GFOD1: variants seen among roughly 807,000 people sequenced by gnomAD.
The protein encoded by GFOD1 is glucose-fructose oxidoreductase domain-containing protein 1.
A neutral mutation model predicts 25.4 loss-of-function variants in GFOD1; 9 were observed. That is an observed-to-expected ratio of 0.35 (90% confidence interval 0.21 to 0.62). The LOEUF (loss-of-function observed/expected upper bound fraction) is 0.62. Ranked by LOEUF, GFOD1 falls within the 20% of genes least tolerant of loss-of-function variation. The probability of loss-of-function intolerance (pLI) is 0.72; values close to 1 mark genes in which losing one functional copy is unlikely to be tolerated. For synonymous variants in GFOD1, 253 were observed against 245.6 expected, an observed-to-expected ratio of 1.03 and a Z score of -0.28; for missense variants, 403 against 556.9, an observed-to-expected ratio of 0.72 and a Z score of 2.78.
At chr6:13,380,525 G>C (rs1785343335) in intron 1 of GFOD1, among the ~76,000 whole-genome samples, 1 of 152,174 alleles carries the variant, frequency 6.6e-6, no homozygotes, top group South Asian at 2.1e-4. Flanking sequence ...CTTAGCGAAT[G>C]TCAAGTTCAA....
chr6:13,427,077 T>C (rs1191157561), intron 1 of GFOD1, among the ~76,000 whole-genome samples: 1 of 152,198 alleles, frequency 6.6e-6, no homozygotes, highest in African/African-American at 2.4e-5. Flanking sequence ...CGAAGTTGTG[T>C]GTGATTGGAC....
At position 13,376,023 on chromosome 6, in the gene GFOD1, A is replaced by C. The variant is rs139784831; in HGVS notation, c.254-10361T>G. ...GGGGCATTCCCCAGGAAAGAAAAGA[A>C]AAGCTTGCTACTTCCAGCCCAAGGG... On this transcript the variant is annotated intron_variant, in intron 1 of 1. Coordinates refer to ENST00000379287, the MANE Select transcript of GFOD1 (RefSeq NM_018988.4). Among the ~76,000 whole-genome samples, 279 of 152,336 alleles carry C rather than the reference A, an allele frequency of 1.8e-3. 1 individual carries two copies. The highest frequency in any genetic ancestry group is 6.3e-3 in the African/African-American group (262 of 41,570).
chr6:13,472,522 A>G (rs375379195), intron 1 of GFOD1, among the ~76,000 whole-genome samples: 4 of 152,224 alleles, frequency 2.6e-5, no homozygotes, highest in African/African-American at 9.6e-5. Context: ...TACTTTTATT[A>G]TCCCCATTAT....
chr6:13,367,075 TATAAA>T (rs1197830501), intron 1 of GFOD1, among the ~76,000 whole-genome samples: 4 of 152,028 alleles, frequency 2.6e-5, no homozygotes, highest in Non-Finnish European at 1.5e-5. Flanking sequence ...TTATCATATA[TATAAA>T]ATGTTTGATA....
intron 1 of GFOD1, among the ~76,000 whole-genome samples, chr6:13,378,372 GAGA>G (rs1249055804): frequency 6.6e-6 from 1 of 152,182 alleles, no homozygotes; most frequent in Non-Finnish European, 1.5e-5. Flanking sequence ...GCATTGTATT[GAGA>G]AGATTTGGGA....
chr6:13,414,706 T>C (rs1187638365), intron 1 of GFOD1, among the ~76,000 whole-genome samples: 1 of 152,228 alleles, frequency 6.6e-6, no homozygotes, highest in Non-Finnish European at 1.5e-5. Context: ...TTGATAAATG[T>C]TGGCTATTAT....
chr6:13,449,589 G>A (rs533122685), intron 1 of GFOD1, among the ~76,000 whole-genome samples: 1 of 152,300 alleles, frequency 6.6e-6, no homozygotes, highest in African/African-American at 2.4e-5. Context: ...CCCATGTGTT[G>A]TGGGAAGGAC....
intron 1 of GFOD1, among the ~76,000 whole-genome samples, chr6:13,390,093 C>A (rs761636432): frequency 1.4e-4 from 21 of 152,128 alleles, no homozygotes; most frequent in Non-Finnish European, 2.6e-4. Context: ...CCCTGAGGAC[C>A]CCAAGCCTTG....
chr6:13,361,023 C>T lies in GFOD1; in HGVS notation c.*3720G>A. ...GTATAAAAGAAATAGCAATACCCAA[C>T]ACTATAGGGTTGTTTTTATGGATTG... is the stretch of plus-strand genomic sequence containing the variant. On this transcript the variant is annotated 3_prime_UTR_variant, in exon 2 of 2. Transcript: ENST00000379287. 2.7e-6 allele frequency: 1 copy of T among 371,160 alleles called. No individual in the cohort carries two copies. The highest frequency in any genetic ancestry group is 5.3e-6 in the Non-Finnish European group (1 of 187,182). The allele number at this position is 371,160 out of a possible 1,614,324, so 23.0% of individuals were successfully genotyped here.
At chr6:13,409,169 AAGAGAG>A (rs201663825) in intron 1 of GFOD1, among the ~76,000 whole-genome samples, 4,711 of 53,236 alleles carry the variant, frequency 0.088, 1,004 homozygotes, top group African/African-American at 0.17. Flanking sequence ...AAAGAAAGGA[AAGAGAG>A]AGAGAGAGAG....
At chr6:13,450,945 G>A (rs909571861) in intron 1 of GFOD1, among the ~76,000 whole-genome samples, 10 of 152,196 alleles carry the variant, frequency 6.6e-5, no homozygotes, top group African/African-American at 1.9e-4. Context: ...TCAAGACTCC[G>A]GTGAGGTATG....
chr6:13,371,078 T>C (rs1584608410), intron 1 of GFOD1, among the ~76,000 whole-genome samples: 1 of 152,234 alleles, frequency 6.6e-6, no homozygotes, highest in Non-Finnish European at 1.5e-5. Flanking sequence ...AGGAAATAAG[T>C]AGAGGCAGTC....
intron 1 of GFOD1, among the ~76,000 whole-genome samples, chr6:13,404,072 G>A (rs1022704581): frequency 2.6e-5 from 4 of 152,160 alleles, no homozygotes; most frequent in South Asian, 2.1e-4. Context: ...AGTAAACAAC[G>A]ATAGTTTGAA....
intron 1 of GFOD1, among the ~76,000 whole-genome samples, chr6:13,464,088 G>A (rs1027527513): frequency 2.6e-5 from 4 of 152,148 alleles, no homozygotes; most frequent in African/African-American, 7.2e-5. Context: ...CAGATGTTTG[G>A]GTGATTTACC....
At chr6:13,409,237 GGAGAGAAA>G (rs796082578) in intron 1 of GFOD1, among the ~76,000 whole-genome samples, 2,375 of 140,080 alleles carry the variant, frequency 0.017, 200 homozygotes, top group African/African-American at 0.059. Context: ...AAGGAAGGAA[GGAGAGAAA>G]GAGAGAAAGA....
At chr6:13,481,477 T>A (rs962187824) in intron 1 of GFOD1, among the ~76,000 whole-genome samples, 1 of 152,216 alleles carries the variant, frequency 6.6e-6, no homozygotes, top group African/African-American at 2.4e-5. Flanking sequence ...CAGGGCCATT[T>A]CAGGCCAAGA....
At chr6:13,405,334 G>GA (rs1420053884) in intron 1 of GFOD1, among the ~76,000 whole-genome samples, 1 of 152,130 alleles carries the variant, frequency 6.6e-6, no homozygotes, top group African/African-American at 2.4e-5. Flanking sequence ...TAATTAAGGG[G>GA]AAAAAACAGG....
intron 1 of GFOD1, among the ~76,000 whole-genome samples, chr6:13,374,273 T>TGTGTGTGTGTGTGTGTG (rs1554199407): frequency 7.4e-6 from 1 of 134,388 alleles, no homozygotes; most frequent in South Asian, 2.4e-4. Flanking sequence ...TGTTTTTTTT[T>TGTGTGTGTGTGTGTGTG]TGTGTGTGTG....
rs5874418 is a variant in GFOD1, at chr6:13,458,757, CAAAAAAA to C, written c.253+27874_253+27880del. On this transcript the variant is annotated intron_variant, in intron 1 of 1. Coordinates refer to ENST00000379287, the MANE Select transcript of GFOD1 (RefSeq NM_018988.4). ...CAAAAAGACTCCATTTCCCCTTGAG[CAAAAAAA>C]AAAAAAAAAAAAAAAAAAAAAAGTG... Among the ~76,000 whole-genome samples, 16 of 57,240 alleles carry C rather than the reference CAAAAAAA, an allele frequency of 2.8e-4. 1 individual carries two copies. The South Asian group carries it at 4.6e-3, about 16-fold the overall frequency. 37.6% of individuals were successfully genotyped at this position (57,240 alleles called of 152,430 possible). A position where few individuals can be genotyped will look rare whatever the true frequency, so the allele number is the denominator to read the frequency against.
Sources: allele counts gnomAD v4.1 joint callset (sites outside exome capture counted in the v4.1 genomes callset), GRCh38; gene constraint gnomAD v4.1.1; transcripts MANE v1.5; gene names NCBI Gene and HGNC (gene_info 2026-07-23, HGNC 2026-07-21).